Variants in LYST observed in about 807,000 individuals in gnomAD.
The protein encoded by LYST is lysosomal trafficking regulator.
LYST carries 192 observed loss-of-function variants against 413.6 expected under a neutral mutation model. The ratio of observed to expected loss-of-function variants is 0.46; its 90% CI spans 0.41 to 0.52. The LOEUF (loss-of-function observed/expected upper bound fraction) is 0.52, where lower values mean the gene tolerates loss of function less well. LYST is among the 20% of genes least tolerant of loss of function. LYST has a pLI of 0.00. For synonymous variants in LYST, 1,525 were observed against 1,567.3 expected (o/e 0.97, Z 0.64); for missense variants, 3,815 against 4,499.9 (o/e 0.85, Z 4.35).
chr1:235,788,407 C>CA (rs1221907212), intron 13 of LYST, among the ~76,000 whole-genome samples: 1 of 152,002 alleles, frequency 6.6e-6, no homozygotes, highest in Non-Finnish European at 1.5e-5. Context: ...AGGCTGGTCT[C>CA]AAACTCCTGA....
chr1:235,811,263 G>A lies in LYST; in HGVS notation c.284-729C>T, dbSNP rs1017078723. 2.6e-5 allele frequency among the ~76,000 whole-genome samples: 4 copies of A among 152,158 alleles called. No individual in the cohort carries two copies. The East Asian group carries it at 7.7e-4, about 29-fold the overall frequency. On this transcript the variant is annotated intron_variant, in intron 4 of 52. Transcript: ENST00000389793. Reference sequence around the variant, plus strand: ...TGTAGATTATCTGGTATTTAGTGCTGTTGTTCACACCATTTACAAATCTCT... The same window carrying A: ...TGTAGATTATCTGGTATTTAGTGCTATTGTTCACACCATTTACAAATCTCT...
chr1:235,677,409 T>G, intron 49 of LYST, 71 bp downstream of exon 49: 2 of 1,492,106 alleles, frequency 1.3e-6, no homozygotes, highest in Non-Finnish European at 1.9e-6. Context: ...TTATTTTGGT[T>G]TATCTATTTC....
chr1:235,785,937 C>T (rs1209468839), intron 14 of LYST, among the ~76,000 whole-genome samples: 1 of 152,156 alleles, frequency 6.6e-6, no homozygotes, highest in Non-Finnish European at 1.5e-5. Context: ...AAAAATCATA[C>T]AGTACTCTCC....
intron 45 of LYST, 28 bp from the exon 46 acceptor site, chr1:235,697,300 G>C (rs769871824): frequency 1.3e-6 from 2 of 1,546,302 alleles, no homozygotes; most frequent in African/African-American, 2.7e-5. Flanking sequence ...AAAAAGTATG[G>C]CTTTTTAAAA....
intron 1 of LYST, among the ~76,000 whole-genome samples, chr1:235,855,254 G>A (rs79863292): frequency 0.022 from 3,401 of 152,152 alleles, 124 homozygotes; most frequent in African/African-American, 0.077. Context: ...CAGTACCACA[G>A]ATACAAGAGT....
intron 25 of LYST, among the ~76,000 whole-genome samples, chr1:235,754,522 G>A (rs1298069536): frequency 1.3e-5 from 2 of 152,030 alleles, no homozygotes; most frequent in African/African-American, 4.8e-5. Flanking sequence ...ACCACGCCCA[G>A]CCTCACCTGT....
At position 235,741,473 on chromosome 1, in the gene LYST, A is replaced by G. The variant is rs778768123; in HGVS notation, c.8307T>C (p.His2769=). ...QERKQIFEIV[H]EPNHQEILRD... ...GTAGTATTTCCTGATGATTTGGTTC[A>G]TGAACTATTTCAAAAATTTGCTTTC... Residue 2769 remains histidine (H), a synonymous_variant, in exon 31 of 53, where the codon CAT becomes CAC. Transcript: ENST00000389793. 4 of 1,614,190 alleles carry G rather than the reference A, an allele frequency of 2.5e-6. No homozygotes were observed. The Admixed American group carries it at 6.7e-5, about 27-fold the overall frequency.
chr1:235,880,847 C>T (rs1283320416), intron 1 of LYST, among the ~76,000 whole-genome samples: 1 of 152,068 alleles, frequency 6.6e-6, no homozygotes. Flanking sequence ...ATTTAGCGGC[C>T]GGGCACGGTG....
chr1:235,827,478 T>C (rs1272413734), intron 3 of LYST: 2 of 983,730 alleles, frequency 2.0e-6, no homozygotes, highest in South Asian at 4.7e-5. Flanking sequence ...GAAGCACAGA[T>C]AGAAAAACTA....
intron 28 of LYST, among the ~76,000 whole-genome samples, chr1:235,749,247 T>A (rs190714241): frequency 6.6e-6 from 1 of 152,340 alleles, no homozygotes; most frequent in East Asian, 1.9e-4. Context: ...TTGAAGATAC[T>A]TTTAAGTAAT....
intron 45 of LYST, among the ~76,000 whole-genome samples, chr1:235,698,286 T>C (rs1441645828): frequency 6.6e-6 from 1 of 152,178 alleles, no homozygotes; most frequent in African/African-American, 2.4e-5. Context: ...AACTTGCTTA[T>C]GTCATTTTCC....
intron 7 of LYST, among the ~76,000 whole-genome samples, chr1:235,803,723 G>A (rs1164979321): frequency 3.3e-5 from 5 of 152,052 alleles, no homozygotes; most frequent in African/African-American, 1.2e-4. Context: ...AATAAAGTAG[G>A]TATTTTAACA....
chr1:235,734,417 T>C (rs1258174843), intron 32 of LYST, 66 bp downstream of exon 32: 3 of 1,227,784 alleles, frequency 2.4e-6, no homozygotes, highest in Non-Finnish European at 1.2e-6. Flanking sequence ...CTTAAAAAAG[T>C]AGTGTCAATC....
At chr1:235,856,690 T>C (rs1029406925) in intron 1 of LYST, among the ~76,000 whole-genome samples, 1 of 152,198 alleles carries the variant, frequency 6.6e-6, no homozygotes, top group Non-Finnish European at 1.5e-5. Flanking sequence ...CAAATGACTT[T>C]AGAAACATTC....
At chr1:235,807,547 T>C (rs575371917) in intron 5 of LYST, among the ~76,000 whole-genome samples, 4 of 152,330 alleles carry the variant, frequency 2.6e-5, no homozygotes, top group South Asian at 2.1e-4. Flanking sequence ...CTGTAAGGCA[T>C]TGATTTAACA....
intron 1 of LYST, among the ~76,000 whole-genome samples, chr1:235,862,106 C>A (rs1202704081): frequency 1.3e-5 from 2 of 152,138 alleles, no homozygotes; most frequent in Non-Finnish European, 2.9e-5. Flanking sequence ...TCTGACCTTC[C>A]AAGCAATCAG....
intron 10 of LYST, among the ~76,000 whole-genome samples, chr1:235,796,760 A>T (rs1238792766): frequency 6.6e-6 from 1 of 152,134 alleles, no homozygotes; most frequent in East Asian, 1.9e-4. Context: ...TGGCACTTTG[A>T]TCTTGGACTT....
intron 20 of LYST, 21 bp from the exon 21 acceptor site, chr1:235,766,298 C>A: frequency 6.4e-7 from 1 of 1,553,574 alleles, no homozygotes. Context: ...AAAAAAAACT[C>A]TCTTTAGATT....
intron 3 of LYST, among the ~76,000 whole-genome samples, chr1:235,823,706 C>T (rs1675025846): frequency 6.6e-6 from 1 of 152,212 alleles, no homozygotes; most frequent in Non-Finnish European, 1.5e-5. Context: ...TTTTCTCTAG[C>T]CCCCGTGTTT....
Sources: allele counts gnomAD v4.1 joint callset (sites outside exome capture counted in the v4.1 genomes callset), GRCh38; gene constraint gnomAD v4.1.1; transcripts MANE v1.5; gene names NCBI Gene and HGNC (gene_info 2026-07-23, HGNC 2026-07-21).